Variants in SPON1 observed in about 807,000 individuals in gnomAD.
SPON1 encodes the protein spondin 1.
A neutral mutation model predicts 111.7 loss-of-function variants in SPON1; 52 were observed. The ratio of observed to expected loss-of-function variants is 0.47; its 90% CI spans 0.37 to 0.59. The LOEUF (loss-of-function observed/expected upper bound fraction) is 0.59. SPON1 is among the 20% of genes least tolerant of loss of function. The probability of loss-of-function intolerance (pLI) is 0.00; values close to 1 mark genes in which losing one functional copy is unlikely to be tolerated. For synonymous variants in SPON1, 410 were observed against 395.8 expected (o/e 1.04, Z -0.43); for missense variants, 957 against 1,068.5 (o/e 0.90, Z 1.46).
chr11:14,122,367 G>T (rs1255970775), intron 5 of SPON1, among the ~76,000 whole-genome samples: 1 of 152,116 alleles, frequency 6.6e-6, no homozygotes, highest in Non-Finnish European at 1.5e-5. Flanking sequence ...TAGAGACAGG[G>T]TTTCACCGTG....
intron 2 of SPON1, among the ~76,000 whole-genome samples, chr11:14,021,214 A>G (rs1848479309): frequency 6.6e-6 from 1 of 152,090 alleles, no homozygotes; most frequent in African/African-American, 2.4e-5. Flanking sequence ...GAGGGAAGCT[A>G]CCATTTCTGT....
In SPON1 at chr11:14,261,153, T is replaced by TA. The variant is rs202022366; in HGVS notation, c.1996+404dup. Among the ~76,000 whole-genome samples, 38 of 152,254 alleles carry TA rather than the reference T, an allele frequency of 2.5e-4. No individual in the cohort carries two copies. In the East Asian group the frequency reaches 7.3e-3, roughly 29 times the overall value. ...TTCCCCATGACCAGAGGCTGGACATTAAATCAATGACTCCTGCAGACTGGT... is the reference window on the plus strand; with the variant it reads ...TTCCCCATGACCAGAGGCTGGACATTAAAATCAATGACTCCTGCAGACTGGT... On this transcript the variant is annotated intron_variant, in intron 14 of 15. Transcript: ENST00000576479.
intron 6 of SPON1, among the ~76,000 whole-genome samples, chr11:14,194,640 A>ATCACAAAG (rs2133893615): frequency 6.6e-6 from 1 of 152,212 alleles, no homozygotes. Flanking sequence ...CAAGGGACCA[A>ATCACAAAG]TCACAAAGAC....
chr11:14,257,635 C>T, intron 10 of SPON1, 81 bp from the exon 11 acceptor site: 1 of 1,340,760 alleles, frequency 7.5e-7, no homozygotes, highest in East Asian at 2.7e-5. Context: ...TTTTCTTGTC[C>T]CCAGATAAGC....
chr11:14,251,120 G>C (rs1849048619), intron 7 of SPON1, among the ~76,000 whole-genome samples: 1 of 152,188 alleles, frequency 6.6e-6, no homozygotes, highest in South Asian at 2.1e-4. Flanking sequence ...AATTTGGGGA[G>C]AGGTCAGGAA....
At chr11:13,993,133 C>T (rs1257949946) in intron 2 of SPON1, among the ~76,000 whole-genome samples, 2 of 152,048 alleles carry the variant, frequency 1.3e-5, no homozygotes, top group Non-Finnish European at 2.9e-5. Context: ...CACAGACTCA[C>T]AAAATACAAA....
At chr11:14,195,578 C>G (rs1171423752) in intron 6 of SPON1, among the ~76,000 whole-genome samples, 1 of 152,122 alleles carries the variant, frequency 6.6e-6, no homozygotes, top group Non-Finnish European at 1.5e-5. Context: ...ATACTTGGGC[C>G]TGGAAGCAAC....
chr11:14,028,365 G>A (rs1848534389), intron 2 of SPON1, among the ~76,000 whole-genome samples: 1 of 151,626 alleles, frequency 6.6e-6, no homozygotes. Flanking sequence ...GTGTGCCTGT[G>A]GTCCTAGCTA....
intron 3 of SPON1, among the ~76,000 whole-genome samples, chr11:14,075,091 C>T (rs1281488712): frequency 1.3e-5 from 2 of 152,112 alleles, no homozygotes; most frequent in African/African-American, 2.4e-5. Context: ...CCACCAAAAA[C>T]AATTTAGTAA....
intron 5 of SPON1, among the ~76,000 whole-genome samples, chr11:14,118,248 C>T (rs1221948902): frequency 1.3e-5 from 2 of 152,180 alleles, no homozygotes; most frequent in Non-Finnish European, 2.9e-5. Context: ...AGTTCCTTCC[C>T]TGGGGCTTCA....
At chr11:14,202,500 C>A (rs1848474852) in intron 6 of SPON1, among the ~76,000 whole-genome samples, 4 of 152,224 alleles carry the variant, frequency 2.6e-5, no homozygotes, top group Admixed American at 2.6e-4. Flanking sequence ...GAGGACAATA[C>A]CCTCTAACGG....
At chr11:14,063,318 T>G (rs1460096130) in intron 3 of SPON1, among the ~76,000 whole-genome samples, 1 of 152,228 alleles carries the variant, frequency 6.6e-6, no homozygotes, top group African/African-American at 2.4e-5. Context: ...TCATTTACAT[T>G]CTGCTCTGCA....
At chr11:14,134,962 T>A (rs1847573571) in intron 5 of SPON1, 1 of 152,894 alleles carries the variant, frequency 6.5e-6, no homozygotes, top group Non-Finnish European at 1.5e-5. Flanking sequence ...AAACACACAA[T>A]GTTATTTAAT....
rs189102092 is a variant in SPON1, at chr11:14,121,841, C to T, written c.677-13579C>T. On this transcript the variant is annotated intron_variant, in intron 5 of 15. Coordinates refer to ENST00000576479, the MANE Select transcript of SPON1 (RefSeq NM_006108.4). ...ATTTAAAAAAACGTTTTATTTTTAC[C>T]CTCATTTTTGAAGGATATCTTTGCA... is the stretch of plus-strand genomic sequence containing the variant. 1.1e-3 allele frequency among the ~76,000 whole-genome samples: 168 copies of T among 151,658 alleles called. 1 individual carries two copies. The highest frequency in any genetic ancestry group is 3.3e-3 in the African/African-American group (137 of 41,418).
chr11:14,182,781 A>C (rs1406140943), intron 6 of SPON1, among the ~76,000 whole-genome samples: 1 of 152,092 alleles, frequency 6.6e-6, no homozygotes, highest in Non-Finnish European at 1.5e-5. Context: ...AGGTCAACAC[A>C]CTCCAGCGCT....
At chr11:14,092,759 T>C (rs1849069516) in intron 5 of SPON1, among the ~76,000 whole-genome samples, 1 of 152,184 alleles carries the variant, frequency 6.6e-6, no homozygotes, top group Admixed American at 6.5e-5. Flanking sequence ...TCTAATCTAG[T>C]AGTTCTAGAA....
chr11:14,260,361 C>A (rs972065968), intron 13 of SPON1, among the ~76,000 whole-genome samples: 1 of 152,006 alleles, frequency 6.6e-6, no homozygotes, highest in East Asian at 1.9e-4. Context: ...CATGTCATAA[C>A]CATCGGGGGG....
chr11:14,180,949 G>C (rs1187615769), intron 6 of SPON1, among the ~76,000 whole-genome samples: 1 of 152,074 alleles, frequency 6.6e-6, no homozygotes, highest in Non-Finnish European at 1.5e-5. Flanking sequence ...TAGCTTTCCT[G>C]GTGAAATAAA....
chr11:14,218,004 T>C (rs1848643010), intron 6 of SPON1, among the ~76,000 whole-genome samples: 2 of 152,204 alleles, frequency 1.3e-5, no homozygotes. Context: ...GCCGTCTGTT[T>C]TATAAGCCCT....
Sources: gnomAD v4.1 joint callset for allele counts (sites outside exome capture counted in the v4.1 genomes callset) on GRCh38, gnomAD v4.1.1 for gene constraint, MANE v1.5 for transcripts, NCBI Gene and HGNC (gene_info 2026-07-23, HGNC 2026-07-21) for gene names.